The following NALF1 variants were observed in gnomAD, a reference collection of about 807,000 sequenced individuals.
NALF1 encodes family with sequence similarity 155 member A.
A neutral mutation model predicts 48.4 loss-of-function variants in NALF1; 3 were observed. The ratio of observed to expected loss-of-function variants is 0.06; its 90% CI spans 0.03 to 0.16. NALF1 has a LOEUF of 0.16. Ranked by LOEUF, NALF1 falls within the 10% of genes least tolerant of loss-of-function variation. The pLI is 1.00. For synonymous variants in NALF1, 262 were observed against 245.7 expected (o/e 1.07, Z -0.62); for missense variants, 526 against 571.5 (o/e 0.92, Z 0.81).
intron 1 of NALF1, among the ~76,000 whole-genome samples, chr13:107,263,667 C>A (rs956155917): frequency 1.4e-4 from 21 of 152,234 alleles, no homozygotes; most frequent in Admixed American, 3.9e-4. Flanking sequence ...TAAGACGTGC[C>A]TTTTACCTTC....
At chr13:107,771,562 G>C (rs533811191) in intron 1 of NALF1, among the ~76,000 whole-genome samples, 21 of 151,082 alleles carry the variant, frequency 1.4e-4, no homozygotes, top group Admixed American at 2.6e-4. Flanking sequence ...GTTCGAACCA[G>C]AGCGACTCCA....
chr13:107,765,053 G>A (rs1001951532), intron 1 of NALF1, among the ~76,000 whole-genome samples: 4 of 152,104 alleles, frequency 2.6e-5, no homozygotes, highest in South Asian at 2.1e-4. Flanking sequence ...CCTCACCCAC[G>A]GAAAGAGACG....
chr13:107,648,570 T>C (rs772922837), intron 1 of NALF1, among the ~76,000 whole-genome samples: 2 of 152,162 alleles, frequency 1.3e-5, no homozygotes, highest in African/African-American at 2.4e-5. Context: ...AAAAGTTTGT[T>C]TATTCATTCA....
chr13:107,228,568 T>C (rs1470448215), intron 1 of NALF1, among the ~76,000 whole-genome samples: 1 of 152,214 alleles, frequency 6.6e-6, no homozygotes, highest in Non-Finnish European at 1.5e-5. Flanking sequence ...CTTTGCATTA[T>C]TGATATTATT....
At chr13:107,339,740 T>G (rs1882633495) in intron 1 of NALF1, among the ~76,000 whole-genome samples, 1 of 152,162 alleles carries the variant, frequency 6.6e-6, no homozygotes, top group Non-Finnish European at 1.5e-5. Flanking sequence ...GACAGGCCAT[T>G]TCTCCATTAA....
chr13:107,277,414 T>G (rs371729301), intron 1 of NALF1, among the ~76,000 whole-genome samples: 3 of 152,192 alleles, frequency 2.0e-5, no homozygotes, highest in African/African-American at 7.2e-5. Flanking sequence ...CAATTTCTAC[T>G]CTAGGCAATT....
At position 107,598,181 on chromosome 13, in the gene NALF1, A is replaced by C. The variant is rs185742452; in HGVS notation, c.915+267501T>G. On this transcript the variant is annotated intron_variant, in intron 1 of 2. Coordinates refer to ENST00000375915, the MANE Select transcript of NALF1 (RefSeq NM_001080396.3). ...ACACACAATACACACACAGGCATAC[A>C]CACAACACTAATTTGTCATAGATGT... is the stretch of plus-strand genomic sequence containing the variant. Among the ~76,000 whole-genome samples, 474 of 152,302 alleles carry C rather than the reference A, an allele frequency of 3.1e-3. 2 individuals are homozygous for C. The highest frequency in any genetic ancestry group is 0.011 in the African/African-American group (458 of 41,558).
chr13:107,451,752 C>A (rs1389631000), intron 1 of NALF1, among the ~76,000 whole-genome samples: 1 of 152,154 alleles, frequency 6.6e-6, no homozygotes, highest in Non-Finnish European at 1.5e-5. Flanking sequence ...ATCGCTCTAT[C>A]CAATTTTGCA....
chr13:107,213,718 G>A (rs768192048), intron 1 of NALF1, among the ~76,000 whole-genome samples: 1 of 152,142 alleles, frequency 6.6e-6, no homozygotes, highest in Non-Finnish European at 1.5e-5. Context: ...AGAATAAACT[G>A]GTAAAAGTTC....
At chr13:107,776,632 A>G (rs989741815) in intron 1 of NALF1, among the ~76,000 whole-genome samples, 8 of 152,244 alleles carry the variant, frequency 5.3e-5, no homozygotes, top group African/African-American at 1.7e-4. Context: ...AAATCATGAT[A>G]GATCTTATGA....
chr13:107,636,560 C>T (rs1041057155), intron 1 of NALF1, among the ~76,000 whole-genome samples: 1 of 152,088 alleles, frequency 6.6e-6, no homozygotes, highest in Non-Finnish European at 1.5e-5. Flanking sequence ...ATATCATAGT[C>T]CATTTGTTCA....
intron 1 of NALF1, among the ~76,000 whole-genome samples, chr13:107,373,254 A>C (rs149131073): frequency 2.0e-4 from 30 of 152,322 alleles, no homozygotes; most frequent in Admixed American, 1.9e-3. Flanking sequence ...TCACAAATGA[A>C]AAGTAGATGT....
At chr13:107,684,633 C>T (rs758888927) in intron 1 of NALF1, among the ~76,000 whole-genome samples, 1 of 152,072 alleles carries the variant, frequency 6.6e-6, no homozygotes, top group African/African-American at 2.4e-5. Context: ...AGAATACTGA[C>T]AATAGACTCT....
At chr13:107,199,617 G>A (rs1879466931) in intron 2 of NALF1, among the ~76,000 whole-genome samples, 2 of 152,126 alleles carry the variant, frequency 1.3e-5, no homozygotes, top group Non-Finnish European at 2.9e-5. Flanking sequence ...AGTTCCATAA[G>A]CTTAGATGCC....
intron 1 of NALF1, among the ~76,000 whole-genome samples, chr13:107,404,910 G>T (rs1328101698): frequency 6.6e-6 from 1 of 152,016 alleles, no homozygotes; most frequent in African/African-American, 2.4e-5. Context: ...ACTCAATAAA[G>T]TTTCATCTAT....
chr13:107,642,748 T>G (rs1880194279), intron 1 of NALF1, among the ~76,000 whole-genome samples: 1 of 152,196 alleles, frequency 6.6e-6, no homozygotes, highest in Non-Finnish European at 1.5e-5. Context: ...GAGCATACAG[T>G]CAGTGCCTAA....
intron 1 of NALF1, among the ~76,000 whole-genome samples, chr13:107,448,643 T>C (rs1332792892): frequency 6.6e-6 from 1 of 152,184 alleles, no homozygotes; most frequent in Non-Finnish European, 1.5e-5. Context: ...TCAAGAAACA[T>C]ACAATGAGCA....
intron 1 of NALF1, among the ~76,000 whole-genome samples, chr13:107,484,947 G>A (rs1885304884): frequency 6.6e-6 from 1 of 152,102 alleles, no homozygotes. Context: ...TGTCTTTAGG[G>A]TATTTCCAGT....
At chr13:107,230,839 C>G (rs1157910503) in intron 1 of NALF1, among the ~76,000 whole-genome samples, 3 of 151,890 alleles carry the variant, frequency 2.0e-5, no homozygotes, top group Admixed American at 1.3e-4. Context: ...GTGGGAGGGT[C>G]ACTTGAGACC....
Sources: allele counts gnomAD v4.1 joint callset (sites outside exome capture counted in the v4.1 genomes callset), GRCh38; gene constraint gnomAD v4.1.1; transcripts MANE v1.5; gene names NCBI Gene and HGNC (gene_info 2026-07-23, HGNC 2026-07-21).